LYPLAL1: variants seen among roughly 807,000 people sequenced by gnomAD.
LYPLAL1 encodes the protein lysophospholipase-like protein 1.
LYPLAL1 carries 23 observed loss-of-function variants against 19.7 expected under a neutral mutation model. The observed-to-expected ratio is 1.17, with a 90% confidence interval of 0.84 to 1.65. The LOEUF is 1.65. Among genes scored for constraint, LYPLAL1 ranks in the 40% most tolerant of loss-of-function variants. The pLI is 0.00. For synonymous variants in LYPLAL1, 119 were observed against 96.3 expected (o/e 1.24, Z -1.38); for missense variants, 355 against 279.4 (o/e 1.27, Z -1.93).
chr1:219,310,594 A>T, the LYPLAL1 span, among the ~76,000 whole-genome samples: 21 of 152,208 alleles, frequency 1.4e-4, no homozygotes, highest in African/African-American at 5.1e-4. Flanking sequence ...TTCAAAGCAC[A>T]TTTTGTGACT....
the LYPLAL1 span, among the ~76,000 whole-genome samples, chr1:219,249,082 A>G: frequency 2.0e-5 from 3 of 151,992 alleles, no homozygotes; most frequent in Non-Finnish European, 4.4e-5. Context: ...TGCATATTTC[A>G]TTATGTGGAT....
the LYPLAL1 span, among the ~76,000 whole-genome samples, chr1:219,311,402 A>G: frequency 6.6e-6 from 1 of 152,206 alleles, no homozygotes; most frequent in African/African-American, 2.4e-5. Flanking sequence ...CAGTATGAAC[A>G]TATTTGCTTG....
the LYPLAL1 span, chr1:219,273,089 T>G: frequency 1.3e-5 from 2 of 152,194 alleles, no homozygotes; most frequent in Admixed American, 1.3e-4. Context: ...CAAATCTGTT[T>G]AAAAGCACCA....
In LYPLAL1 at chr1:219,179,316, G is replaced by A. The variant is rs1448291486; in HGVS notation, c.191+70G>A. 5 of 1,082,746 alleles carry A rather than the reference G, an allele frequency of 4.6e-6. 1 individual carries two copies. In the South Asian group the frequency reaches 7.0e-5, roughly 15 times the overall value. 67.1% of individuals were successfully genotyped at this position (1,082,746 alleles called of 1,614,324 possible). ...AAAATATATATAGAGAGATGTGCCA[G>A]CTAGGTGTTCTTTAAGCTTAATTTT... On this transcript the variant is annotated intron_variant, in intron 2 of 4. Coordinates refer to ENST00000366928, the MANE Select transcript of LYPLAL1 (RefSeq NM_138794.5).
chr1:219,334,011 T>C, the LYPLAL1 span, among the ~76,000 whole-genome samples: 1 of 152,160 alleles, frequency 6.6e-6, no homozygotes, highest in East Asian at 1.9e-4. Context: ...TTTTCAAACA[T>C]TTCTAATGTA....
the LYPLAL1 span, among the ~76,000 whole-genome samples, chr1:219,359,166 A>C: frequency 6.6e-6 from 1 of 152,212 alleles, no homozygotes; most frequent in Non-Finnish European, 1.5e-5. Context: ...TTAATATGAT[A>C]AAGAGATTTG....
chr1:219,399,591 G>C, the LYPLAL1 span, among the ~76,000 whole-genome samples: 1 of 152,122 alleles, frequency 6.6e-6, no homozygotes, highest in Non-Finnish European at 1.5e-5. Flanking sequence ...GGGAGCAGGG[G>C]GGTTGGTGCA....
chr1:219,306,405 T>C, the LYPLAL1 span, among the ~76,000 whole-genome samples: 61,229 of 151,918 alleles, frequency 0.4, 12,764 homozygotes, highest in Non-Finnish European at 0.45. Context: ...AGATTAACAT[T>C]TGAATCAGTA....
chr1:219,376,652 G>A, the LYPLAL1 span, among the ~76,000 whole-genome samples: 4 of 151,986 alleles, frequency 2.6e-5, no homozygotes, highest in Non-Finnish European at 4.4e-5. Context: ...ATGGGCAAAG[G>A]GTAAGGATAT....
chr1:219,211,734 T>C lies in LYPLAL1; in HGVS notation c.*6T>C, dbSNP rs746487651. 28 of 1,563,568 alleles carry C rather than the reference T, an allele frequency of 1.8e-5. No homozygotes were observed. Among genetic ancestry groups the C allele is most frequent in the Middle Eastern group, 3.5e-4 (2 of 5,654 alleles). On this transcript the variant is annotated 3_prime_UTR_variant, in exon 5 of 5. Transcript: ENST00000366928. The stretch of plus-strand genomic sequence containing the variant: ...AAATGGAAAAACAAAAATGAATGAA[T>C]CAAGAGTGATTTGTTAATGTAAGTG...
intron 3 of LYPLAL1, chr1:219,193,476 T>G (rs1572180114): frequency 1.1e-5 from 3 of 278,168 alleles, no homozygotes; most frequent in Admixed American, 9.9e-5. Context: ...ATTTTGAGAC[T>G]CTTGTGGCAG....
chr1:219,445,161 C>T, the LYPLAL1 span, among the ~76,000 whole-genome samples: 2 of 151,210 alleles, frequency 1.3e-5, no homozygotes, highest in African/African-American at 4.9e-5. Context: ...ATTGGGAAGA[C>T]CTGTTCCTAT....
At chr1:219,343,338 C>G in the LYPLAL1 span, among the ~76,000 whole-genome samples, 5 of 152,096 alleles carry the variant, frequency 3.3e-5, no homozygotes, top group Non-Finnish European at 7.4e-5. Context: ...CTAAATGCCT[C>G]AAAACTAGGA....
At chr1:219,406,479 G>A in the LYPLAL1 span, among the ~76,000 whole-genome samples, 1 of 152,114 alleles carries the variant, frequency 6.6e-6, no homozygotes, top group African/African-American at 2.4e-5. Flanking sequence ...AAACACACTT[G>A]CATGGCTTTA....
chr1:219,250,193 T>C, the LYPLAL1 span, among the ~76,000 whole-genome samples: 1 of 152,128 alleles, frequency 6.6e-6, no homozygotes, highest in African/African-American at 2.4e-5. Flanking sequence ...TTGATTTTTG[T>C]ATATGGTATA....
the LYPLAL1 span, among the ~76,000 whole-genome samples, chr1:219,343,466 T>C: frequency 6.6e-6 from 1 of 152,198 alleles, no homozygotes; most frequent in Non-Finnish European, 1.5e-5. Context: ...GTATCCTTAT[T>C]GTACTTAATT....
At chr1:219,379,354 C>T in the LYPLAL1 span, among the ~76,000 whole-genome samples, 2 of 152,222 alleles carry the variant, frequency 1.3e-5, no homozygotes, top group Non-Finnish European at 1.5e-5. Context: ...AGCACTGCTT[C>T]TGCCACCTCA....
the LYPLAL1 span, among the ~76,000 whole-genome samples, chr1:219,374,179 T>G: frequency 1.3e-5 from 2 of 152,074 alleles, no homozygotes; most frequent in Non-Finnish European, 2.9e-5. Context: ...TATTGGATTT[T>G]TCTTCCATTT....
At chr1:219,303,522 G>T in the LYPLAL1 span, among the ~76,000 whole-genome samples, 1 of 152,226 alleles carries the variant, frequency 6.6e-6, no homozygotes, top group South Asian at 2.1e-4. Context: ...TTGTCACCCA[G>T]TGTTACTGGT....
Sources: allele counts gnomAD v4.1 joint callset (sites outside exome capture counted in the v4.1 genomes callset), GRCh38; gene constraint gnomAD v4.1.1; transcripts MANE v1.5; gene names NCBI Gene and HGNC (gene_info 2026-07-23, HGNC 2026-07-21).